LHFPL3: variants seen among roughly 807,000 people sequenced by gnomAD.
The protein encoded by LHFPL3 is LHFPL tetraspan subfamily member 3 protein.
Under a neutral mutation model 19.3 loss-of-function variants are expected in LHFPL3, and 5 were observed. The ratio of observed to expected loss-of-function variants is 0.26; its 90% confidence interval spans 0.14 to 0.54. The LOEUF (loss-of-function observed/expected upper bound fraction) is 0.54, where lower values mean the gene tolerates loss of function less well. Among genes scored for constraint, LHFPL3 ranks in the 20% least tolerant of loss-of-function variants. The pLI is 0.94. For synonymous variants in LHFPL3, 133 were observed against 126.2 expected, an observed-to-expected ratio of 1.05 and a Z score of -0.36; for missense variants, 249 against 307.4, an observed-to-expected ratio of 0.81 and a Z score of 1.42.
rs533569041 is a variant in LHFPL3 at position 104,833,198 on chromosome 7, T to C, written c.683-72989T>C. Among the ~76,000 whole-genome samples the C allele has an allele frequency of 9.4e-4, 79 of 84,336 alleles. 1 individual carries two copies. Among genetic ancestry groups the C allele is most frequent in the African/African-American group, 4.0e-3 (79 of 19,920 alleles). The allele number at this position is 84,336 out of a possible 152,430, so 55.3% of individuals were successfully genotyped here. On this transcript the variant is annotated intron_variant, in intron 2 of 2. Transcript: ENST00000424859. Reference sequence around the variant, plus strand: ...GTGATCATGTAAGTTAATAGTTACTTGTATTAACTAGAGGGACATACTTAC... The same window carrying C: ...GTGATCATGTAAGTTAATAGTTACTCGTATTAACTAGAGGGACATACTTAC...
intron 2 of LHFPL3, among the ~76,000 whole-genome samples, chr7:104,881,331 A>G (rs2116683395): frequency 6.6e-6 from 1 of 152,372 alleles, no homozygotes; most frequent in African/African-American, 2.4e-5. Context: ...AAGTTAATAA[A>G]AATTCAAAGT....
At chr7:104,568,937 AT>A in intron 1 of LHFPL3, among the ~76,000 whole-genome samples, 1 of 152,344 alleles carries the variant, frequency 6.6e-6, no homozygotes, top group South Asian at 2.1e-4. Flanking sequence ...CATGTATTTA[AT>A]TATATGAAAG....
At chr7:104,778,791 A>G (rs1794675125) in intron 2 of LHFPL3, among the ~76,000 whole-genome samples, 1 of 152,254 alleles carries the variant, frequency 6.6e-6, no homozygotes, top group Non-Finnish European at 1.5e-5. Flanking sequence ...ACACACTGTC[A>G]TAGTCAGCAA....
intron 1 of LHFPL3, among the ~76,000 whole-genome samples, chr7:104,369,438 T>C (rs1790567627): frequency 6.6e-6 from 1 of 152,260 alleles, no homozygotes; most frequent in African/African-American, 2.4e-5. Context: ...ATTTTTATTG[T>C]ATAAACACAG....
In LHFPL3 at chr7:104,391,154, A is replaced by G. The variant is rs148305070; in HGVS notation, c.445+61930A>G. ...TAGTTTGCCTGTTCACTCTGATGGTACTTTCTTTTGCTATGCAGAAGCTCT... is the reference window on the plus strand; with the variant it reads ...TAGTTTGCCTGTTCACTCTGATGGTGCTTTCTTTTGCTATGCAGAAGCTCT... On this transcript the variant is annotated intron_variant, in intron 1 of 2. Coordinates refer to ENST00000424859, the MANE Select transcript of LHFPL3 (RefSeq NM_199000.3). Among the ~76,000 whole-genome samples the G allele has an allele frequency of 8.5e-3, 1,293 of 152,212 alleles. 18 individuals are homozygous for G. Among genetic ancestry groups the G allele is most frequent in the African/African-American group, 0.03 (1,229 of 41,526 alleles).
chr7:104,421,889 C>T (rs924400822), intron 1 of LHFPL3, among the ~76,000 whole-genome samples: 1 of 152,030 alleles, frequency 6.6e-6, no homozygotes, highest in Non-Finnish European at 1.5e-5. Flanking sequence ...GAAGGTGGAG[C>T]CCTCATGAAT....
At chr7:104,795,405 C>T (rs1790104999) in intron 2 of LHFPL3, among the ~76,000 whole-genome samples, 1 of 152,208 alleles carries the variant, frequency 6.6e-6, no homozygotes, top group African/African-American at 2.4e-5. Flanking sequence ...TCCCTCGCCT[C>T]TTTCTTTCTT....
In LHFPL3 at chr7:104,821,707, G is replaced by C. The variant is rs73714141; in HGVS notation, c.683-84480G>C. Reference sequence around the variant, plus strand: ...TCTCACTATGCTGCTTTATAACCTTGTTTTGCCATCTTTAAAGGCCTAAAG... The same window carrying C: ...TCTCACTATGCTGCTTTATAACCTTCTTTTGCCATCTTTAAAGGCCTAAAG... On this transcript the variant is annotated intron_variant, in intron 2 of 2. Coordinates refer to ENST00000424859, the MANE Select transcript of LHFPL3 (RefSeq NM_199000.3). 9.5e-3 allele frequency among the ~76,000 whole-genome samples: 1,452 copies of C among 152,216 alleles called. 24 individuals carry two copies. The highest frequency in any genetic ancestry group is 0.033 in the African/African-American group (1,358 of 41,538).
chr7:104,721,564 A>G (rs1009265901), intron 1 of LHFPL3, among the ~76,000 whole-genome samples: 1 of 152,100 alleles, frequency 6.6e-6, no homozygotes. Flanking sequence ...GGCCAGCCTG[A>G]TGTAGGATGT....
chr7:104,875,549 G>A (rs757404848), intron 2 of LHFPL3, among the ~76,000 whole-genome samples: 1 of 152,202 alleles, frequency 6.6e-6, no homozygotes, highest in Non-Finnish European at 1.5e-5. Context: ...GATAATCCCA[G>A]ATGATCCAGC....
intron 1 of LHFPL3, among the ~76,000 whole-genome samples, chr7:104,506,919 G>A (rs1246171219): frequency 6.6e-6 from 1 of 152,184 alleles, no homozygotes; most frequent in East Asian, 1.9e-4. Context: ...TGTGATTAAA[G>A]GGAAGTAATA....
chr7:104,660,400 T>C (rs1251977198), intron 1 of LHFPL3, among the ~76,000 whole-genome samples: 2 of 152,254 alleles, frequency 1.3e-5, no homozygotes, highest in Non-Finnish European at 2.9e-5. Flanking sequence ...CTGATATCTC[T>C]TTCTGATCAA....
intron 1 of LHFPL3, among the ~76,000 whole-genome samples, chr7:104,381,506 TTCTTTCCTTCCTTCCTCCTTTCTTCCA>T (rs1790828797): frequency 6.6e-6 from 1 of 152,118 alleles, no homozygotes; most frequent in East Asian, 1.9e-4. Flanking sequence ...TCTCTTCAGA[TTCTTTCCTTCCTTCCTCCTTTCTTCCA>T]TCTTTCCTTC....
chr7:104,816,786 T>A (rs1291798890), intron 2 of LHFPL3, among the ~76,000 whole-genome samples: 3 of 152,212 alleles, frequency 2.0e-5, no homozygotes, highest in African/African-American at 7.2e-5. Context: ...TGTGGAACCA[T>A]CTCACCTTGC....
chr7:104,484,457 G>A (rs1236479382), intron 1 of LHFPL3, among the ~76,000 whole-genome samples: 1 of 152,156 alleles, frequency 6.6e-6, no homozygotes, highest in Non-Finnish European at 1.5e-5. Context: ...AAGGTCAAAA[G>A]CCTTCTCAAA....
intron 2 of LHFPL3, among the ~76,000 whole-genome samples, chr7:104,807,188 G>A (rs914255442): frequency 2.0e-5 from 3 of 152,044 alleles, no homozygotes; most frequent in Non-Finnish European, 4.4e-5. Context: ...AACAGTCTAG[G>A]GGGAAATTTG....
At chr7:104,347,148 A>C (rs1355084947) in intron 1 of LHFPL3, among the ~76,000 whole-genome samples, 1 of 151,990 alleles carries the variant, frequency 6.6e-6, no homozygotes, top group Non-Finnish European at 1.5e-5. Flanking sequence ...TTGTCTTATC[A>C]CTCTAGACAG....
chr7:104,563,423 C>T lies in LHFPL3; in HGVS notation c.446-173252C>T, dbSNP rs113961385. ...AAGCCCGTCGGAAAAGCACAGTATT[C>T]GGGTGGGAGTGACCCGATTTTCCAG... On this transcript the variant is annotated intron_variant, in intron 1 of 2. Coordinates refer to ENST00000424859, the MANE Select transcript of LHFPL3 (RefSeq NM_199000.3). 8.2e-4 allele frequency among the ~76,000 whole-genome samples: 125 copies of T among 152,168 alleles called. No individual in the cohort carries two copies. In the East Asian group the frequency reaches 0.023, roughly 28 times the overall value.
At chr7:104,489,648 C>G (rs1793302392) in intron 1 of LHFPL3, among the ~76,000 whole-genome samples, 3 of 151,810 alleles carry the variant, frequency 2.0e-5, no homozygotes, top group South Asian at 2.1e-4. Context: ...TGAGATCAAA[C>G]CAGAGTCTGA....
Sources: allele counts gnomAD v4.1 joint callset (sites outside exome capture counted in the v4.1 genomes callset), GRCh38; gene constraint gnomAD v4.1.1; transcripts MANE v1.5; gene names NCBI Gene and HGNC (gene_info 2026-07-23, HGNC 2026-07-21).